VRK2: variants seen among roughly 807,000 people sequenced by gnomAD.
VRK2 encodes the protein serine/threonine-protein kinase VRK2.
In VRK2, 60 loss-of-function variants were observed where a neutral mutation model predicts 57.6. That is an observed-to-expected ratio of 1.04 (90% CI 0.85 to 1.29). VRK2 has a LOEUF of 1.29. VRK2 is among the 50% of genes most tolerant of loss of function. The pLI is 0.00. For synonymous variants in VRK2, 231 were observed against 199.2 expected (o/e 1.16, Z -1.35); for missense variants, 705 against 588.1 (o/e 1.20, Z -2.06).
intron 11 of VRK2, among the ~76,000 whole-genome samples, chr2:58,143,017 T>A (rs1348017264): frequency 6.6e-6 from 1 of 151,886 alleles, no homozygotes; most frequent in Non-Finnish European, 1.5e-5. Context: ...ACCTTAAATC[T>A]GAGGCTCCCA....
chr2:57,932,347 T>G (rs1226376297), intron 1 of VRK2, among the ~76,000 whole-genome samples: 4 of 152,160 alleles, frequency 2.6e-5, no homozygotes, highest in African/African-American at 9.6e-5. Flanking sequence ...TTTCCGGAGA[T>G]TTTTGATTAC....
At chr2:57,934,964 A>G (rs1201915846) in intron 1 of VRK2, among the ~76,000 whole-genome samples, 1 of 151,802 alleles carries the variant, frequency 6.6e-6, no homozygotes, top group Non-Finnish European at 1.5e-5. Context: ...TGTTTTGTTC[A>G]TGTATTGCTT....
chr2:58,068,404 C>T (rs900893018), intron 2 of VRK2, among the ~76,000 whole-genome samples: 3 of 152,086 alleles, frequency 2.0e-5, no homozygotes, highest in Non-Finnish European at 4.4e-5. Flanking sequence ...TCATTTGAGC[C>T]ATTGTTCCCC....
intron 7 of VRK2, among the ~76,000 whole-genome samples, chr2:58,096,573 C>G (rs1366115135): frequency 6.6e-6 from 1 of 151,872 alleles, no homozygotes. Context: ...TTGTTTCTCT[C>G]TAGTTATTTT....
intron 7 of VRK2, among the ~76,000 whole-genome samples, chr2:58,118,800 C>G (rs1676942753): frequency 6.6e-6 from 1 of 152,014 alleles, no homozygotes; most frequent in East Asian, 1.9e-4. Flanking sequence ...AAAAGAGAGT[C>G]AGCGAAGGGA....
intron 3 of VRK2, among the ~76,000 whole-genome samples, chr2:58,033,953 C>G (rs539326405): frequency 2.6e-5 from 4 of 151,984 alleles, no homozygotes; most frequent in Non-Finnish European, 5.9e-5. Context: ...CAACTCTTTC[C>G]TTTGTCATAG....
intron 1 of VRK2, among the ~76,000 whole-genome samples, chr2:58,007,767 G>T (rs1673293974): frequency 6.6e-6 from 1 of 151,996 alleles, no homozygotes; most frequent in Admixed American, 6.6e-5. Context: ...TTGTTCAATG[G>T]TCAACTGTAT....
chr2:58,070,907 G>A (rs1430896172), intron 2 of VRK2, among the ~76,000 whole-genome samples: 1 of 152,110 alleles, frequency 6.6e-6, no homozygotes, highest in Non-Finnish European at 1.5e-5. Context: ...CAAAGTGGCT[G>A]TACTATTTTA....
intron 2 of VRK2, among the ~76,000 whole-genome samples, chr2:58,056,785 T>G (rs1041382695): frequency 2.0e-5 from 3 of 152,134 alleles, no homozygotes; most frequent in Non-Finnish European, 4.4e-5. Flanking sequence ...GTGTGAGATG[T>G]ACAACTAGAG....
At chr2:58,008,960 G>A (rs1022254096) in intron 1 of VRK2, among the ~76,000 whole-genome samples, 2 of 152,046 alleles carry the variant, frequency 1.3e-5, no homozygotes, top group Non-Finnish European at 2.9e-5. Context: ...CCACAGAGAA[G>A]GAGGAATGTG....
intron 10 of VRK2, among the ~76,000 whole-genome samples, chr2:58,136,742 A>T (rs899080333): frequency 3.4e-5 from 5 of 149,252 alleles, no homozygotes; most frequent in Non-Finnish European, 7.4e-5. Flanking sequence ...GGACAGAAAG[A>T]TGGGAAGATG....
intron 2 of VRK2, among the ~76,000 whole-genome samples, chr2:58,071,280 C>T (rs1669329003): frequency 6.6e-6 from 1 of 152,010 alleles, no homozygotes; most frequent in African/African-American, 2.4e-5. Context: ...GTGTCTTTGA[C>T]AGAGCAGAAA....
At chr2:58,055,205 T>C (rs959262755) in intron 2 of VRK2, among the ~76,000 whole-genome samples, 1 of 152,168 alleles carries the variant, frequency 6.6e-6, no homozygotes, top group Non-Finnish European at 1.5e-5. Flanking sequence ...CTATGCCCTA[T>C]TGAAACTGGC....
At chr2:58,047,483 G>C (rs1675008876) in intron 1 of VRK2, 1 of 985,248 alleles carries the variant, frequency 1.0e-6, no homozygotes, top group Non-Finnish European at 1.2e-6. Flanking sequence ...ACATTTCGTA[G>C]AGTCTCCCTT....
chr2:58,075,653 G>A (rs1300054789), intron 2 of VRK2, among the ~76,000 whole-genome samples: 1 of 151,988 alleles, frequency 6.6e-6, no homozygotes, highest in Non-Finnish European at 1.5e-5. Context: ...TATTTTTTTG[G>A]TGGGGGGCCT....
intron 12 of VRK2, chr2:58,154,921 C>T (rs1683566270): frequency 3.8e-6 from 2 of 520,096 alleles, no homozygotes; most frequent in Non-Finnish European, 6.9e-6. Flanking sequence ...CTTTTAATAC[C>T]TTATTTAGAA....
chr2:57,959,769 G>C (rs1671699532), intron 1 of VRK2, among the ~76,000 whole-genome samples: 1 of 152,112 alleles, frequency 6.6e-6, no homozygotes, highest in South Asian at 2.1e-4. Context: ...TGATAGGAGA[G>C]ATACTGTAGC....
intron 7 of VRK2, among the ~76,000 whole-genome samples, chr2:58,099,374 G>A (rs1673629696): frequency 6.6e-6 from 1 of 152,000 alleles, no homozygotes; most frequent in Non-Finnish European, 1.5e-5. Flanking sequence ...AAGCCTGTGA[G>A]TGCTCAGGTC....
At chr2:58,045,867 G>C (rs892947457), upstream of VRK2, among the ~76,000 whole-genome samples, 6 of 152,090 alleles carry the variant, frequency 3.9e-5, no homozygotes, top group Non-Finnish European at 8.8e-5. Flanking sequence ...CTTCGAGACT[G>C]AGTTTCCCTC....
Sources: allele counts gnomAD v4.1 joint callset (sites outside exome capture counted in the v4.1 genomes callset), GRCh38; gene constraint gnomAD v4.1.1; transcripts MANE v1.5; gene names NCBI Gene and HGNC (gene_info 2026-07-23, HGNC 2026-07-21).